Variants in FOXJ3 observed in about 807,000 individuals in gnomAD.
The protein encoded by FOXJ3 is forkhead box protein J3.
In FOXJ3, 22 loss-of-function variants were observed where a neutral mutation model predicts 76.1. The ratio of observed to expected loss-of-function variants is 0.29; its 90% CI spans 0.21 to 0.41. The LOEUF (loss-of-function observed/expected upper bound fraction) is 0.41, where lower values mean the gene tolerates loss of function less well. Ranked by LOEUF, FOXJ3 falls within the 10% of genes least tolerant of loss-of-function variation. FOXJ3 has a pLI of 1.00. For missense variants in FOXJ3, 613 were observed against 762.1 expected (o/e 0.80, Z 2.30); for synonymous variants, 269 against 261.2 (o/e 1.03, Z -0.29).
chr1:42,257,657 T>C (rs1487741476), intron 4 of FOXJ3, among the ~76,000 whole-genome samples: 1 of 151,262 alleles, frequency 6.6e-6, no homozygotes, highest in Non-Finnish European at 1.5e-5. Flanking sequence ...GAGAATCATT[T>C]GAGCCTGGGA....
intron 1 of FOXJ3, among the ~76,000 whole-genome samples, chr1:42,328,041 A>C (rs1347901049): frequency 1.3e-5 from 2 of 152,206 alleles, no homozygotes; most frequent in Non-Finnish European, 2.9e-5. Flanking sequence ...TCACGCCTGC[A>C]ATCCCAGCAC....
chr1:42,293,240 G>C (rs1653560947), intron 2 of FOXJ3, among the ~76,000 whole-genome samples: 2 of 151,554 alleles, frequency 1.3e-5, no homozygotes, highest in South Asian at 4.2e-4. Flanking sequence ...AGAAAAAATT[G>C]GTGGTCAGAT....
chr1:42,291,735 A>G (rs990015147), intron 2 of FOXJ3, among the ~76,000 whole-genome samples: 5 of 152,124 alleles, frequency 3.3e-5, no homozygotes, highest in Non-Finnish European at 7.4e-5. Context: ...AGCTATGATC[A>G]TGCCACTGTA....
Position 42,239,103 on chromosome 1 carries a change from A to T in FOXJ3, c.445-11137T>A, listed in dbSNP as rs532839108. On this transcript the variant is annotated intron_variant, in intron 4 of 12. Coordinates refer to ENST00000361346, the MANE Select transcript of FOXJ3 (RefSeq NM_014947.5). ...AGCATTCCTTCCTAGTACAGAAAAA[A>T]ATATATATTGATCTTGTATCCTGTA... is the stretch of plus-strand genomic sequence containing the variant. Among the ~76,000 whole-genome samples the T allele has an allele frequency of 6.6e-5, 10 of 152,264 alleles. No homozygotes were observed. The South Asian group carries it at 1.4e-3, about 22-fold the overall frequency.
At position 42,251,636 on chromosome 1, in the gene FOXJ3, C is replaced by G. The variant is rs551996831; in HGVS notation, c.444+13479G>C. The stretch of plus-strand genomic sequence containing the variant: ...TGAATATATTGAACCAGCCTTGCAT[C>G]CCAGGGATGAAGCCCACTTGATCAT... On this transcript the variant is annotated intron_variant, in intron 4 of 12. Coordinates refer to ENST00000361346, the MANE Select transcript of FOXJ3 (RefSeq NM_014947.5). Among the ~76,000 whole-genome samples the G allele has an allele frequency of 2.9e-4, 44 of 151,074 alleles. 1 individual carries two copies. Among genetic ancestry groups the G allele is most frequent in the African/African-American group, 1.0e-3 (43 of 41,152 alleles).
At chr1:42,231,960 C>G (rs6671486) in intron 4 of FOXJ3, among the ~76,000 whole-genome samples, 1 of 152,200 alleles carries the variant, frequency 6.6e-6, no homozygotes, top group Non-Finnish European at 1.5e-5. Context: ...ACCCCCACCC[C>G]ACAACAGGCC....
At chr1:42,222,037 AAGG>A (rs199688586) in intron 5 of FOXJ3, among the ~76,000 whole-genome samples, 11 of 29,276 alleles carry the variant, frequency 3.8e-4, no homozygotes, top group Non-Finnish European at 6.2e-4. Context: ...GGGGGAGGAG[AAGG>A]AGAAGGAGAA....
chr1:42,226,570 T>C (rs753706782), intron 5 of FOXJ3, among the ~76,000 whole-genome samples: 2 of 151,956 alleles, frequency 1.3e-5, no homozygotes, highest in Non-Finnish European at 2.9e-5. Context: ...ATCATGCCAT[T>C]GCACTCTAGC....
At chr1:42,205,099 T>C (rs969245048) in intron 6 of FOXJ3, among the ~76,000 whole-genome samples, 1 of 152,116 alleles carries the variant, frequency 6.6e-6, no homozygotes, top group African/African-American at 2.4e-5. Flanking sequence ...CATGGTCTAG[T>C]AGGGAAGAAA....
intron 3 of FOXJ3, among the ~76,000 whole-genome samples, chr1:42,266,456 C>A (rs1360776468): frequency 6.6e-6 from 1 of 152,110 alleles, no homozygotes. Context: ...CAAGGCTATT[C>A]AATGAGAAAC....
intron 2 of FOXJ3, among the ~76,000 whole-genome samples, chr1:42,297,084 G>T (rs1250676820): frequency 6.6e-6 from 1 of 151,972 alleles, no homozygotes; most frequent in Non-Finnish European, 1.5e-5. Context: ...ACTGTAAATG[G>T]GATTGGGTTC....
intron 4 of FOXJ3, among the ~76,000 whole-genome samples, chr1:42,243,476 T>C (rs1178186956): frequency 2.0e-5 from 3 of 152,164 alleles, no homozygotes; most frequent in African/African-American, 7.2e-5. Flanking sequence ...ACTACCTGAA[T>C]GGATTTAAAC....
At chr1:42,216,882 A>G (rs986781124) in intron 5 of FOXJ3, among the ~76,000 whole-genome samples, 2 of 152,222 alleles carry the variant, frequency 1.3e-5, no homozygotes, top group South Asian at 2.1e-4. Context: ...GAAACTAAAA[A>G]CAGAGGTCAA....
chr1:42,235,232 GT>G (rs1390444553), intron 4 of FOXJ3, among the ~76,000 whole-genome samples: 3 of 152,192 alleles, frequency 2.0e-5, no homozygotes, highest in Non-Finnish European at 4.4e-5. Context: ...CTGGTGTGCC[GT>G]TTGCTAAGAC....
At chr1:42,320,985 A>G (rs1305356835) in intron 1 of FOXJ3, among the ~76,000 whole-genome samples, 1 of 152,180 alleles carries the variant, frequency 6.6e-6, no homozygotes, top group Admixed American at 6.5e-5. Context: ...TGAACCTAAC[A>G]GAACTTACTG....
intron 5 of FOXJ3, among the ~76,000 whole-genome samples, chr1:42,226,570 T>G (rs753706782): frequency 6.6e-6 from 1 of 152,072 alleles, no homozygotes; most frequent in Admixed American, 6.5e-5. Context: ...ATCATGCCAT[T>G]GCACTCTAGC....
chr1:42,331,850 G>A (rs1656184782), intron 1 of FOXJ3, among the ~76,000 whole-genome samples: 2 of 151,704 alleles, frequency 1.3e-5, no homozygotes. Context: ...AAGAATAAAA[G>A]TTTAAGGAGA....
intron 2 of FOXJ3, among the ~76,000 whole-genome samples, chr1:42,293,744 T>A (rs954623977): frequency 6.6e-6 from 1 of 152,208 alleles, no homozygotes; most frequent in Admixed American, 6.5e-5. Context: ...TTTACTCAGA[T>A]AGTCTCGTCT....
intron 1 of FOXJ3, among the ~76,000 whole-genome samples, chr1:42,321,102 A>T (rs775864489): frequency 4.6e-5 from 7 of 152,182 alleles, no homozygotes; most frequent in Non-Finnish European, 7.4e-5. Flanking sequence ...CCTCATTCCC[A>T]AAGTCAGTAA....
Sources: allele counts gnomAD v4.1 joint callset (sites outside exome capture counted in the v4.1 genomes callset), GRCh38; gene constraint gnomAD v4.1.1; transcripts MANE v1.5; gene names NCBI Gene and HGNC (gene_info 2026-07-23, HGNC 2026-07-21).